BCAT1: variants seen among roughly 807,000 people sequenced by gnomAD.
BCAT1 encodes branched-chain-amino-acid aminotransferase, cytosolic.
BCAT1 carries 48 observed loss-of-function variants against 52.4 expected under a neutral mutation model. The observed-to-expected ratio is 0.92, with a 90% CI of 0.73 to 1.16. The LOEUF is 1.16. Among genes scored for constraint, BCAT1 ranks in the 50% most tolerant of loss-of-function variants. The probability of loss-of-function intolerance (pLI) is 0.00; values close to 1 mark genes in which losing one functional copy is unlikely to be tolerated. For missense variants in BCAT1, 451 were observed against 457.1 expected, an observed-to-expected ratio of 0.99 and a Z score of 0.12; for synonymous variants, 167 against 161.3, an observed-to-expected ratio of 1.04 and a Z score of -0.27.
At chr12:24,916,434 CA>C (rs138576755) in intron 1 of BCAT1, among the ~76,000 whole-genome samples, 3 of 151,632 alleles carry the variant, frequency 2.0e-5, no homozygotes, top group Non-Finnish European at 4.4e-5. Context: ...CGGTTGCACT[CA>C]AAAAAAAGAC....
At chr12:24,860,502 CTATT>C (rs1161856562) in intron 5 of BCAT1, among the ~76,000 whole-genome samples, 1 of 152,100 alleles carries the variant, frequency 6.6e-6, no homozygotes, top group Non-Finnish European at 1.5e-5. Flanking sequence ...AATTTGAAAA[CTATT>C]TGTGAGTATT....
chr12:24,931,391 T>C (rs554113470), intron 1 of BCAT1, among the ~76,000 whole-genome samples: 41 of 152,044 alleles, frequency 2.7e-4, no homozygotes, highest in African/African-American at 9.7e-4. Context: ...AATAGAAGTT[T>C]AAGAATGAGA....
chr12:24,901,713 TG>T, intron 2 of BCAT1, 100 bp downstream of exon 2: 2 of 1,241,696 alleles, frequency 1.6e-6, no homozygotes, highest in Non-Finnish European at 2.3e-6. Context: ...ACCTAGGAAC[TG>T]GGTAACCCAC....
At chr12:24,916,458 G>A (rs749926136) in intron 1 of BCAT1, among the ~76,000 whole-genome samples, 8 of 152,194 alleles carry the variant, frequency 5.3e-5, no homozygotes, top group Non-Finnish European at 1.2e-4. Context: ...TCCAGTCAAA[G>A]CCTTGGTAAA....
At chr12:24,907,402 G>T (rs958664909) in intron 1 of BCAT1, among the ~76,000 whole-genome samples, 2 of 152,104 alleles carry the variant, frequency 1.3e-5, no homozygotes, top group African/African-American at 4.8e-5. Flanking sequence ...TGTCTGTCAG[G>T]CCTCTGAGCC....
intron 5 of BCAT1, among the ~76,000 whole-genome samples, chr12:24,870,815 G>T (rs1374107180): frequency 6.6e-6 from 1 of 152,126 alleles, no homozygotes; most frequent in East Asian, 1.9e-4. Context: ...CTGAGGTCAG[G>T]ATTTCAAGAC....
rs2139281137 is a variant in BCAT1 at position 24,812,644 on chromosome 12, GA to G, written c.*5363del. 2 of 152,032 alleles carry G rather than the reference GA, an allele frequency of 1.3e-5. No individual in the cohort carries two copies. The highest frequency in any genetic ancestry group is 4.1e-4 in the South Asian group (2 of 4,826). The allele number at this position is 152,032 out of a possible 1,614,324, so 9.4% of individuals were successfully genotyped here. On this transcript the variant is annotated 3_prime_UTR_variant, in exon 11 of 11. Coordinates refer to ENST00000261192, the MANE Select transcript of BCAT1 (RefSeq NM_005504.7). ...AGATCTCAATGCTTGACAGAATAAG[GA>G]AAAAGCTCCTTTGGATAACACAAAA...
intron 3 of BCAT1, among the ~76,000 whole-genome samples, chr12:24,882,974 G>A (rs1204335446): frequency 6.6e-6 from 1 of 152,020 alleles, no homozygotes; most frequent in Non-Finnish European, 1.5e-5. Flanking sequence ...AAGCCAAGAA[G>A]CACTACTGAA....
chr12:24,865,815 T>G (rs535742872), intron 5 of BCAT1, among the ~76,000 whole-genome samples: 22 of 152,364 alleles, frequency 1.4e-4, no homozygotes, highest in Admixed American at 2.0e-4. Context: ...TTACTCAATT[T>G]ACTAGTAACA....
intron 10 of BCAT1, among the ~76,000 whole-genome samples, chr12:24,825,837 G>A (rs1205410124): frequency 6.6e-6 from 1 of 152,100 alleles, no homozygotes; most frequent in Non-Finnish European, 1.5e-5. Flanking sequence ...TTTCTTTGCT[G>A]TGGAGAAGCT....
At chr12:24,859,406 G>A (rs1402962683) in intron 5 of BCAT1, among the ~76,000 whole-genome samples, 1 of 152,056 alleles carries the variant, frequency 6.6e-6, no homozygotes, top group African/African-American at 2.4e-5. Flanking sequence ...GGATCACGAG[G>A]TCAGAAGATG....
At chr12:24,825,977 T>G (rs1024847631) in intron 10 of BCAT1, among the ~76,000 whole-genome samples, 3 of 152,108 alleles carry the variant, frequency 2.0e-5, no homozygotes, top group African/African-American at 7.2e-5. Flanking sequence ...TTTGGGAGGC[T>G]GAGACAGGAG....
intron 10 of BCAT1, among the ~76,000 whole-genome samples, chr12:24,823,596 A>T (rs1306307646): frequency 2.0e-5 from 3 of 152,176 alleles, no homozygotes; most frequent in Non-Finnish European, 4.4e-5. Flanking sequence ...AGGTAATTGC[A>T]TCATGGGAGC....
intron 1 of BCAT1, among the ~76,000 whole-genome samples, chr12:24,922,862 T>C (rs1480777243): frequency 4.1e-5 from 6 of 147,528 alleles, no homozygotes; most frequent in African/African-American, 1.5e-4. Flanking sequence ...AGAGTAAGAC[T>C]CTGTCTCTCA....
chr12:24,857,623 C>A (rs2139501098), intron 5 of BCAT1, among the ~76,000 whole-genome samples: 1 of 152,270 alleles, frequency 6.6e-6, no homozygotes, highest in East Asian at 1.9e-4. Flanking sequence ...AAGATCATTT[C>A]TAACAGCCTG....
chr12:24,871,291 T>C (rs939733312), intron 5 of BCAT1, among the ~76,000 whole-genome samples: 1 of 152,174 alleles, frequency 6.6e-6, no homozygotes, highest in Admixed American at 6.5e-5. Context: ...CACTGGAGCA[T>C]TGTGTGAGGT....
In BCAT1 at chr12:24,859,845, T is replaced by G. The variant is rs192538606; in HGVS notation, c.511-9896A>C. Among the ~76,000 whole-genome samples the G allele has an allele frequency of 3.1e-4, 47 of 152,290 alleles. No homozygotes were observed. In the East Asian group the frequency reaches 8.7e-3, roughly 28 times the overall value. On this transcript the variant is annotated intron_variant, in intron 5 of 10. Transcript: ENST00000261192. ...CCCCTTAAGTCCAAAAATGACATATTTGGCTTACTTGGTATATTAAAATCA... is the reference window on the plus strand; with the variant it reads ...CCCCTTAAGTCCAAAAATGACATATGTGGCTTACTTGGTATATTAAAATCA...
chr12:24,922,949 G>A (rs903420479), intron 1 of BCAT1, among the ~76,000 whole-genome samples: 2 of 152,044 alleles, frequency 1.3e-5, no homozygotes, highest in Non-Finnish European at 2.9e-5. Flanking sequence ...TCAGACATGT[G>A]CTTCCCAGAG....
intron 10 of BCAT1, among the ~76,000 whole-genome samples, chr12:24,828,101 G>GC (rs546208357): frequency 2.3e-4 from 35 of 152,046 alleles, no homozygotes; most frequent in Non-Finnish European, 4.7e-4. Context: ...CTCTCTGGAG[G>GC]CCTGTTGCAT....
Sources: allele counts gnomAD v4.1 joint callset (sites outside exome capture counted in the v4.1 genomes callset), GRCh38; gene constraint gnomAD v4.1.1; transcripts MANE v1.5; gene names NCBI Gene and HGNC (gene_info 2026-07-23, HGNC 2026-07-21).